FAM151A: variants seen among roughly 807,000 people sequenced by gnomAD.
FAM151A encodes the protein protein FAM151A.
Under a neutral mutation model 40.4 loss-of-function variants are expected in FAM151A, and 41 were observed. That is an observed-to-expected ratio of 1.01 (90% CI 0.79 to 1.32). The LOEUF (loss-of-function observed/expected upper bound fraction) is 1.32, where lower values mean the gene tolerates loss of function less well. FAM151A is among the 40% of genes most tolerant of loss of function. The pLI, the probability that FAM151A is intolerant of heterozygous loss-of-function variation, is 0.00. For synonymous variants in FAM151A, 337 were observed against 312.5 expected, an observed-to-expected ratio of 1.08 and a Z score of -0.83; for missense variants, 740 against 740.4, an observed-to-expected ratio of 1.00 and a Z score of 0.01.
intron 1 of FAM151A, among the ~76,000 whole-genome samples, chr1:54,622,199 C>A (rs966143461): frequency 6.0e-5 from 9 of 149,458 alleles, no homozygotes; most frequent in Non-Finnish European, 1.3e-4. Flanking sequence ...TTGCTTGAGC[C>A]CAGGGGGTGG....
At chr1:54,618,172 T>C (rs1391407030) in intron 2 of FAM151A, among the ~76,000 whole-genome samples, 1 of 152,132 alleles carries the variant, frequency 6.6e-6, no homozygotes, top group African/African-American at 2.4e-5. Context: ...AACTTTACTA[T>C]GGCACCTCCT....
At chr1:54,613,247 C>T (rs1178554876) in intron 4 of FAM151A, among the ~76,000 whole-genome samples, 2 of 151,954 alleles carry the variant, frequency 1.3e-5, no homozygotes, top group Non-Finnish European at 2.9e-5. Context: ...AACGTGGTGG[C>T]GCATGGCTAT....
chr1:54,621,478 A>G (rs1349098358), intron 1 of FAM151A: 2 of 152,126 alleles, frequency 1.3e-5, no homozygotes, highest in Admixed American at 6.6e-5. Flanking sequence ...ATAAATAAAT[A>G]AAATTTTAAA....
chr1:54,618,302 G>A (rs1043721326), intron 2 of FAM151A, among the ~76,000 whole-genome samples: 5 of 152,176 alleles, frequency 3.3e-5, no homozygotes, highest in African/African-American at 9.6e-5. Context: ...TTAGGAGTTC[G>A]AGACTAGCCT....
At chr1:54,611,019 G>A (rs1039886128) in intron 6 of FAM151A, 1 of 985,244 alleles carries the variant, frequency 1.0e-6, no homozygotes, top group African/African-American at 1.7e-5. Flanking sequence ...AATAATGGGG[G>A]GTTTGGAATT....
In FAM151A at chr1:54,623,350, AC is replaced by A; in HGVS notation, c.45del (p.Phe16LeufsTer15). 1.9e-6 allele frequency: 3 copies of A among 1,613,890 alleles called. No homozygotes were observed. The highest frequency in any genetic ancestry group is 2.5e-6 in the Non-Finnish European group (3 of 1,179,966). On this transcript the variant is annotated frameshift_variant, in exon 1 of 8. Transcript: ENST00000302250. LOFTEE classifies it high-confidence loss of function. ...ACAGACACACAGGTAATGCCGGCAA[AC>A]ACCCACTTGACCTGATTCTTTGATA... ...EQLSKNQVKW[V>X]FAGITCVSVV...
At chr1:54,613,531 G>A (rs10788984) in intron 4 of FAM151A, among the ~76,000 whole-genome samples, 2,796 of 151,964 alleles carry the variant, frequency 0.018, 43 homozygotes, top group Middle Eastern at 0.054. Flanking sequence ...CAAGGGATCC[G>A]CTCACCTTGG....
rs758022776 is a variant in FAM151A at position 54,610,471 on chromosome 1, ACATTCAGACCGT to A, written c.1013_1024del (p.Asp338_Asn341del). On this transcript the variant is annotated inframe_deletion, in exon 7 of 8. Transcript: ENST00000302250. Reference sequence around the variant, plus strand: ...CTGGACGTCAGGAACCAGCCACTCCACATTCAGACCGTCATCCCCAGGCAGCTGGAGAAGAGG... The same window carrying A: ...CTGGACGTCAGGAACCAGCCACTCCACATCCCCAGGCAGCTGGAGAAGAGG... 3.5e-5 allele frequency: 53 copies of A among 1,501,056 alleles called. No individual in the cohort carries two copies. The highest frequency in any genetic ancestry group is 4.4e-5 in the Non-Finnish European group (48 of 1,088,056). The allele number at this position is 1,501,056 out of a possible 1,614,324, so 93.0% of individuals were successfully genotyped here. A position where few individuals can be genotyped will look rare whatever the true frequency, so the allele number is the denominator to read the frequency against.
At chr1:54,614,138 T>C (rs539679519) in intron 4 of FAM151A, among the ~76,000 whole-genome samples, 3 of 152,296 alleles carry the variant, frequency 2.0e-5, no homozygotes, top group African/African-American at 7.2e-5. Flanking sequence ...AACCTGGCAG[T>C]GCTATGTAAG....
chr1:54,613,031 G>A (rs1455055193), intron 4 of FAM151A, among the ~76,000 whole-genome samples: 3 of 152,048 alleles, frequency 2.0e-5, no homozygotes, highest in Non-Finnish European at 2.9e-5. Flanking sequence ...CCCAGCGTGT[G>A]GGAATCTGAG....
At chr1:54,616,577 G>C (rs1375963576) in intron 2 of FAM151A, among the ~76,000 whole-genome samples, 2 of 151,828 alleles carry the variant, frequency 1.3e-5, no homozygotes, top group African/African-American at 4.8e-5. Context: ...TCACCATATT[G>C]GCCAGGCTGC....
intron 2 of FAM151A, among the ~76,000 whole-genome samples, chr1:54,618,920 T>C (rs1644201405): frequency 6.6e-6 from 1 of 152,186 alleles, no homozygotes; most frequent in South Asian, 2.1e-4. Context: ...AAGTGTTAAT[T>C]ATTTATATGG....
chr1:54,619,467 C>T (rs1414336148), intron 2 of FAM151A, among the ~76,000 whole-genome samples: 2 of 152,144 alleles, frequency 1.3e-5, no homozygotes, highest in Non-Finnish European at 2.9e-5. Context: ...ATGGTAGTCC[C>T]AGGAGAACCT....
intron 2 of FAM151A, among the ~76,000 whole-genome samples, chr1:54,618,726 G>A (rs1309538745): frequency 1.3e-5 from 2 of 152,068 alleles, no homozygotes; most frequent in Non-Finnish European, 2.9e-5. Flanking sequence ...CCTTGTGCCA[G>A]CTTTACCCAT....
In FAM151A at chr1:54,614,752, C is replaced by T; in HGVS notation, c.523G>A (p.Asp175Asn). ...AGCATGTTGGGGCCCTTTAAGATGTCAGCGTTGATCCATATGGGCCGCCGG... is the reference window on the plus strand; with the variant it reads ...AGCATGTTGGGGCCCTTTAAGATGTTAGCGTTGATCCATATGGGCCGCCGG... Reference protein sequence around the residue: ...KVRRPIWINADILKGPNMLIS... With the variant: ...KVRRPIWINANILKGPNMLIS... Residue 175 changes from aspartate (D) to asparagine (N), a missense_variant, in exon 4 of 8, where the codon GAC becomes AAC. Physicochemically the swap from Asp to Asn is conservative, Grantham distance 23. Coordinates refer to ENST00000302250, the MANE Select transcript of FAM151A (RefSeq NM_176782.3). The T allele has an allele frequency of 1.2e-6, 2 of 1,614,044 alleles. No homozygotes were observed. The highest frequency in any genetic ancestry group is 1.7e-6 in the Non-Finnish European group (2 of 1,179,978).
rs56229276 is a variant in FAM151A, at chr1:54,617,709, ATTTTTTTTTTT to A, written c.263-1548_263-1538del. On this transcript the variant is annotated intron_variant, in intron 2 of 7. Transcript: ENST00000302250. ...CACTAGGTCTGCAGCAGGGCCTGAG[ATTTTTTTTTTT>A]TTTTTTTTTTTTTTTTTTTTTTTTA... Among the ~76,000 whole-genome samples the A allele has an allele frequency of 3.7e-3, 208 of 55,766 alleles. 1 individual carries two copies. The highest frequency in any genetic ancestry group is 0.034 in the Middle Eastern group (2 of 58). The allele number at this position is 55,766 out of a possible 152,430, so 36.6% of individuals were successfully genotyped here.
chr1:54,616,687 T>C (rs1000687442), intron 2 of FAM151A, among the ~76,000 whole-genome samples: 26 of 152,194 alleles, frequency 1.7e-4, no homozygotes, highest in African/African-American at 6.3e-4. Context: ...GCATAGTTTT[T>C]ACACAGTTGA....
intron 1 of FAM151A, 151 bp from the exon 2 acceptor site, chr1:54,620,158 A>G: frequency 1.2e-6 from 1 of 828,266 alleles, no homozygotes; most frequent in Non-Finnish European, 1.8e-6. Flanking sequence ...TGGTGCTACA[A>G]TAGAGGGAAA....
chr1:54,614,088 A>G (rs1455501908), intron 4 of FAM151A, among the ~76,000 whole-genome samples: 1 of 152,218 alleles, frequency 6.6e-6, no homozygotes, highest in African/African-American at 2.4e-5. Context: ...AGCTTCCACT[A>G]TTGTCAGCTT....
Sources: gnomAD v4.1 joint callset for allele counts (sites outside exome capture counted in the v4.1 genomes callset) on GRCh38, gnomAD v4.1.1 for gene constraint, MANE v1.5 for transcripts, NCBI Gene and HGNC (gene_info 2026-07-23, HGNC 2026-07-21) for gene names.